The following LRRC49 variants were observed in gnomAD, a reference collection of about 807,000 sequenced individuals.
The protein encoded by LRRC49 is leucine rich repeat containing 49.
LRRC49 carries 50 observed loss-of-function variants against 83.3 expected under a neutral mutation model. That is an observed-to-expected ratio of 0.60 (90% CI 0.48 to 0.76). The LOEUF (loss-of-function observed/expected upper bound fraction) is 0.76. Ranked by LOEUF, LRRC49 falls within the 30% of genes least tolerant of loss-of-function variation. The pLI is 0.00. For synonymous variants in LRRC49, 286 were observed against 283.3 expected, an observed-to-expected ratio of 1.01 and a Z score of -0.10; for missense variants, 704 against 809.1, an observed-to-expected ratio of 0.87 and a Z score of 1.58.
intron 2 of LRRC49, among the ~76,000 whole-genome samples, chr15:70,883,228 G>A (rs2141085072): frequency 6.7e-6 from 1 of 149,318 alleles, no homozygotes; most frequent in Non-Finnish European, 1.5e-5. Context: ...TTTTGCTCTT[G>A]TTGCCCAAGC....
At chr15:71,024,689 G>A (rs555088248) in intron 14 of LRRC49, among the ~76,000 whole-genome samples, 1 of 151,628 alleles carries the variant, frequency 6.6e-6, no homozygotes, top group African/African-American at 2.4e-5. Flanking sequence ...AACTCAAAAA[G>A]CTAGAATGCC....
At chr15:70,892,988 T>C in intron 1 of LRRC49, 46 bp downstream of exon 1, 1 of 1,601,668 alleles carries the variant, frequency 6.2e-7, no homozygotes, top group Non-Finnish European at 8.6e-7. Context: ...TGGTACTCTT[T>C]CTGACTGGCG....
At chr15:71,022,052 T>A (rs2039011218) in intron 14 of LRRC49, among the ~76,000 whole-genome samples, 1 of 152,142 alleles carries the variant, frequency 6.6e-6, no homozygotes, top group Non-Finnish European at 1.5e-5. Flanking sequence ...AATGATAAAA[T>A]GCAAATATAT....
chr15:71,039,412 G>A (rs1364972485), intron 15 of LRRC49, among the ~76,000 whole-genome samples: 1 of 152,118 alleles, frequency 6.6e-6, no homozygotes, highest in Non-Finnish European at 1.5e-5. Flanking sequence ...AAATTAATAT[G>A]TATATAGTTG....
chr15:70,998,198 A>G (rs1204974576), intron 11 of LRRC49, among the ~76,000 whole-genome samples: 1 of 152,170 alleles, frequency 6.6e-6, no homozygotes, highest in Non-Finnish European at 1.5e-5. Flanking sequence ...TCTAAATCAT[A>G]TATTAAAAAG....
chr15:70,892,405 C>T (rs1216450622), upstream of LRRC49: 1 of 1,541,016 alleles, frequency 6.5e-7, no homozygotes, highest in Non-Finnish European at 8.7e-7. Context: ...GTTTCCTTCC[C>T]TACCTCTGGT....
intron 1 of LRRC49, among the ~76,000 whole-genome samples, chr15:70,860,483 TA>T (rs754008526): frequency 6.6e-6 from 1 of 152,198 alleles, no homozygotes; most frequent in Non-Finnish European, 1.5e-5. Flanking sequence ...GGAGTGATCA[TA>T]ACTCACTGTA....
chr15:70,892,510 C>T, upstream of LRRC49: 6 of 1,524,046 alleles, frequency 3.9e-6, no homozygotes, highest in Non-Finnish European at 5.3e-6. Context: ...CCAGTGGACA[C>T]AAGCAGAGGG....
At chr15:70,936,204 T>G (rs1180522711) in intron 7 of LRRC49, among the ~76,000 whole-genome samples, 1 of 152,168 alleles carries the variant, frequency 6.6e-6, no homozygotes, top group African/African-American at 2.4e-5. Context: ...AAATTGCCCT[T>G]ACAGTACCCT....
chr15:70,854,703 G>T (rs757019194), intron 1 of LRRC49, among the ~76,000 whole-genome samples: 1 of 152,142 alleles, frequency 6.6e-6, no homozygotes, highest in South Asian at 2.1e-4. Context: ...TCCAAGTGTG[G>T]TTCCCAGACC....
chr15:70,882,775 C>T lies in LRRC49; in HGVS notation c.18+9552C>T, dbSNP rs544136510. On this transcript the variant is annotated intron_variant, in intron 2 of 16. Transcript: ENST00000544974. ...TCAAAACATACCCACACTACGGTGA[C>T]GGGGCCTTTTCAAAGAAATTTGTGT... is the stretch of plus-strand genomic sequence containing the variant. 33 of 1,614,124 alleles carry T rather than the reference C, an allele frequency of 2.0e-5. No homozygotes were observed. Among genetic ancestry groups the T allele is most frequent in the East Asian group, 6.7e-5 (3 of 44,874 alleles).
intron 1 of LRRC49, among the ~76,000 whole-genome samples, chr15:70,869,164 G>C (rs1185799874): frequency 6.6e-6 from 1 of 152,040 alleles, no homozygotes; most frequent in Non-Finnish European, 1.5e-5. Flanking sequence ...TACATGAAAA[G>C]CTCAGGTCAC....
intron 11 of LRRC49, among the ~76,000 whole-genome samples, chr15:71,000,166 C>T (rs1339545790): frequency 6.6e-6 from 1 of 152,128 alleles, no homozygotes; most frequent in Non-Finnish European, 1.5e-5. Context: ...AAGTGTTTCC[C>T]TGGTTTTGTA....
chr15:70,871,167 G>A (rs898161374), intron 1 of LRRC49, among the ~76,000 whole-genome samples: 48 of 151,596 alleles, frequency 3.2e-4, no homozygotes, highest in African/African-American at 1.1e-3. Flanking sequence ...TAACGAGTAT[G>A]CTGCCTTCAA....
intron 1 of LRRC49, chr15:70,859,499 G>T: frequency 1.5e-6 from 1 of 689,244 alleles, no homozygotes; most frequent in Non-Finnish European, 2.7e-6. Context: ...CATTGCTGAG[G>T]TCAAGGTGCA....
In LRRC49 at chr15:71,053,168, A is replaced by T. The variant is rs1005402849; in HGVS notation, c.*3556A>T. 3.9e-5 allele frequency: 6 copies of T among 152,216 alleles called. No homozygotes were observed. Among genetic ancestry groups the T allele is most frequent in the African/African-American group, 1.4e-4 (6 of 41,452 alleles). 9.4% of individuals were successfully genotyped at this position (152,216 alleles called of 1,614,324 possible). ...GGTACTGCATTATTCTAGGCAAGAG[A>T]TAATTGTGACTTGGATCAAGGTGAT... On this transcript the variant is annotated 3_prime_UTR_variant, in exon 16 of 16. Coordinates refer to ENST00000260382, the MANE Select transcript of LRRC49 (RefSeq NM_017691.5).
At chr15:71,018,010 A>ACATT (rs1480174194) in intron 14 of LRRC49, among the ~76,000 whole-genome samples, 2 of 152,172 alleles carry the variant, frequency 1.3e-5, no homozygotes, top group African/African-American at 4.8e-5. Context: ...TGTAGAATCT[A>ACATT]TATGATACTG....
In LRRC49 at chr15:70,900,393, A is replaced by G. The variant is rs868122442; in HGVS notation, c.194-529A>G. On this transcript the variant is annotated intron_variant, in intron 3 of 15. Coordinates refer to ENST00000260382, the MANE Select transcript of LRRC49 (RefSeq NM_017691.5). ...AAGAAAGAGATGATGCGAGGTTTAC[A>G]TCTGCTATCCAAAACTACTTTTTGT... 4 of 448,468 alleles carry G rather than the reference A, an allele frequency of 8.9e-6. No homozygotes were observed. In the Middle Eastern group the frequency reaches 9.9e-4, roughly 111 times the overall value. The allele number at this position is 448,468 out of a possible 1,614,324, so 27.8% of individuals were successfully genotyped here.
intron 11 of LRRC49, among the ~76,000 whole-genome samples, chr15:70,999,578 A>C (rs1596121853): frequency 6.6e-6 from 1 of 152,054 alleles, no homozygotes; most frequent in African/African-American, 2.4e-5. Context: ...CTTAACCTTC[A>C]TTCCTGCTTG....
Sources: gnomAD v4.1 joint callset for allele counts (sites outside exome capture counted in the v4.1 genomes callset) on GRCh38, gnomAD v4.1.1 for gene constraint, MANE v1.5 for transcripts, NCBI Gene and HGNC (gene_info 2026-07-23, HGNC 2026-07-21) for gene names.